Variants in SMARCC1 observed in about 807,000 individuals in gnomAD.
SMARCC1 encodes the protein SWI/SNF related BAF chromatin remodeling complex subunit C1.
SMARCC1 carries 43 observed loss-of-function variants against 147.4 expected under a neutral mutation model. The ratio of observed to expected loss-of-function variants is 0.29; its 90% CI spans 0.23 to 0.38. The LOEUF (loss-of-function observed/expected upper bound fraction) is 0.38. Ranked by LOEUF, SMARCC1 falls within the 10% of genes least tolerant of loss-of-function variation. The pLI is 1.00. For synonymous variants in SMARCC1, 495 were observed against 484.4 expected, an observed-to-expected ratio of 1.02 and a Z score of -0.29; for missense variants, 1,119 against 1,381.1, an observed-to-expected ratio of 0.81 and a Z score of 3.01.
intron 12 of SMARCC1, among the ~76,000 whole-genome samples, chr3:47,691,839 A>G (rs1017021043): frequency 6.6e-6 from 1 of 151,938 alleles, no homozygotes; most frequent in Non-Finnish European, 1.5e-5. Context: ...ATGTCTACTA[A>G]TAATACAAAA....
rs2032952874 is a variant in SMARCC1 at position 47,635,246 on chromosome 3, C to T, written c.2590G>A (p.Gly864Arg). ...KKKVEHEISE[G>R]NVATAAAAAL... ...GCTGCTGCGGCTGTGGCAACATTTC[C>T]TTCGGAAATTTCATGTTCTACTTTC... Residue 864 changes from glycine (G) to arginine (R), a missense_variant, in exon 24 of 28, where the codon GGA (glycine) becomes AGA (arginine). Physicochemically the swap from Gly to Arg is moderately radical, Grantham distance 125 (BLOSUM62 -2). This residue lies in a region of SMARCC1 where 157 missense variants were observed against 158.6 expected (regional missense o/e 0.99). Transcript: ENST00000254480. The T allele has an allele frequency of 1.2e-6, 2 of 1,613,890 alleles. No homozygotes were observed. The highest frequency in any genetic ancestry group is 1.1e-5 in the South Asian group (1 of 91,074).
At chr3:47,666,760 T>C (rs1482438401) in intron 19 of SMARCC1, among the ~76,000 whole-genome samples, 2 of 152,028 alleles carry the variant, frequency 1.3e-5, no homozygotes, top group Middle Eastern at 3.2e-3. Context: ...TCAGCTATTG[T>C]TAGTGTTAGT....
intron 18 of SMARCC1, 129 bp from the exon 19 acceptor site, chr3:47,670,846 A>T (rs2033486126): frequency 1.5e-6 from 1 of 682,900 alleles, no homozygotes; most frequent in African/African-American, 1.8e-5. Flanking sequence ...ACTAACAGGA[A>T]TAAAACACTT....
Position 47,701,298 on chromosome 3 carries a change from T to A in SMARCC1, c.1145A>T (p.Glu382Val). Residue 382 changes from glutamate (E) to valine (V), a missense_variant, in exon 11 of 28, where the codon GAA becomes GTA. Glu to Val is a moderately radical substitution (Grantham distance 121, BLOSUM62 -2). This residue lies in a region of SMARCC1 where 542 missense variants were observed against 611.8 expected (regional missense o/e 0.89). Transcript: ENST00000254480. The stretch of plus-strand genomic sequence containing the variant: ...CAAACCATTTTTGGGAAGTACTACT[T>A]CTTCTATATTGGGTACAGGTGTTGG... ...EDPTPVPNIE[E>V]VVLPKNVNLK... 8.7e-6 allele frequency: 14 copies of A among 1,613,034 alleles called. No individual in the cohort carries two copies. The highest frequency in any genetic ancestry group is 1.2e-5 in the Non-Finnish European group (14 of 1,179,160).
chr3:47,668,846 C>A (rs1489442824), intron 19 of SMARCC1, among the ~76,000 whole-genome samples: 1 of 149,826 alleles, frequency 6.7e-6, no homozygotes, highest in African/African-American at 2.5e-5. Context: ...GACTGCGCTA[C>A]TGCACACTAG....
At chr3:47,655,337 T>C (rs1350178762) in intron 21 of SMARCC1, among the ~76,000 whole-genome samples, 1 of 152,096 alleles carries the variant, frequency 6.6e-6, no homozygotes, top group Admixed American at 6.5e-5. Flanking sequence ...AGGCAGAGGT[T>C]GTGATGGGCT....
chr3:47,729,234 G>T, intron 5 of SMARCC1, 140 bp from the exon 6 acceptor site: 1 of 597,844 alleles, frequency 1.7e-6, no homozygotes, highest in Non-Finnish European at 2.9e-6. Flanking sequence ...CTTCTTTTTA[G>T]TCAAATAAAA....
intron 12 of SMARCC1, among the ~76,000 whole-genome samples, 170 bp from the exon 13 acceptor site, chr3:47,689,594 AG>A (rs1222928385): frequency 6.6e-6 from 1 of 152,248 alleles, no homozygotes; most frequent in Non-Finnish European, 1.5e-5. Flanking sequence ...TCTACACAGA[AG>A]CACAGAGGTA....
At position 47,701,295 on chromosome 3, in the gene SMARCC1, ACTT is replaced by A; in HGVS notation, c.1145_1147del (p.Glu382del). The A allele has an allele frequency of 6.2e-7, 1 of 1,612,772 alleles. No homozygotes were observed. Among genetic ancestry groups the A allele is most frequent in the Non-Finnish European group, 8.5e-7 (1 of 1,178,954 alleles). ...ATACAAACCATTTTTGGGAAGTACT[ACTT>A]CTTCTATATTGGGTACAGGTGTTGG... On this transcript the variant is annotated inframe_deletion, in exon 11 of 28. Coordinates refer to ENST00000254480, the MANE Select transcript of SMARCC1 (RefSeq NM_003074.4).
chr3:47,720,278 C>T (rs1379765822), intron 7 of SMARCC1, among the ~76,000 whole-genome samples: 1 of 151,878 alleles, frequency 6.6e-6, no homozygotes, highest in African/African-American at 2.4e-5. Context: ...CACCTGCCAC[C>T]ACGTCTGGCT....
In SMARCC1 at chr3:47,701,260, A is replaced by G. The variant is rs1434275124; in HGVS notation, c.1165+18T>C. 41 of 1,608,522 alleles carry G rather than the reference A, an allele frequency of 2.5e-5. No homozygotes were observed. The highest frequency in any genetic ancestry group is 3.4e-5 in the Non-Finnish European group (40 of 1,175,860). ...TGACTAAATTAAATCTAACACTCTC[A>G]TGCAGAAGAATACAAACCATTTTTG... On this transcript the variant is annotated intron_variant, in intron 11 of 27. Transcript: ENST00000254480.
intron 26 of SMARCC1, among the ~76,000 whole-genome samples, chr3:47,597,577 C>T (rs904389877): frequency 1.1e-4 from 16 of 152,254 alleles, no homozygotes; most frequent in South Asian, 2.1e-4. Context: ...CCGCCTGCCT[C>T]GGCCTCCCAA....
At chr3:47,682,790 C>T (rs1335211502) in intron 14 of SMARCC1, among the ~76,000 whole-genome samples, 1 of 152,070 alleles carries the variant, frequency 6.6e-6, no homozygotes, top group Non-Finnish European at 1.5e-5. Flanking sequence ...TTGGTGTCAG[C>T]TGACAAAAAG....
At chr3:47,642,616 C>A (rs535557803) in intron 21 of SMARCC1, among the ~76,000 whole-genome samples, 16 of 151,726 alleles carry the variant, frequency 1.1e-4, no homozygotes, top group African/African-American at 3.4e-4. Context: ...ACAACAACAA[C>A]AAAAACCTAA....
rs540565608 is a variant in SMARCC1, at chr3:47,720,854, A to C, written c.647-119T>G. On this transcript the variant is annotated intron_variant, in intron 6 of 27. Coordinates refer to ENST00000254480, the MANE Select transcript of SMARCC1 (RefSeq NM_003074.4). ...TGCTAACGAACAACATTTTTCGAAC[A>C]TGCTGTTGCTGGTTTGGAAAGAAAA... 671 of 796,202 alleles carry C rather than the reference A, an allele frequency of 8.4e-4. 3 individuals are homozygous for C. Among genetic ancestry groups the C allele is most frequent in the Admixed American group, 1.0e-3 (46 of 44,084 alleles). The allele number at this position is 796,202 out of a possible 1,614,324, so 49.3% of individuals were successfully genotyped here.
intron 24 of SMARCC1, 118 bp from the exon 25 acceptor site, chr3:47,622,459 T>TATAGATTTGTA: frequency 1.1e-6 from 1 of 926,510 alleles, no homozygotes; most frequent in South Asian, 1.5e-5. Context: ...CCTATATGTC[T>TATAGATTTGTA]CCTTTGTAAC....
intron 5 of SMARCC1, among the ~76,000 whole-genome samples, chr3:47,733,039 G>A (rs1271629296): frequency 1.3e-5 from 2 of 151,056 alleles, no homozygotes; most frequent in Non-Finnish European, 3.0e-5. Flanking sequence ...CCCGGGAGGT[G>A]GAGGATGCAG....
chr3:47,736,869 C>G (rs2034450347), intron 4 of SMARCC1, among the ~76,000 whole-genome samples: 1 of 152,078 alleles, frequency 6.6e-6, no homozygotes, highest in Non-Finnish European at 1.5e-5. Context: ...TAATATCTAA[C>G]TGAATTTTTG....
At chr3:47,765,473 A>G (rs138771524) in intron 2 of SMARCC1, among the ~76,000 whole-genome samples, 1,904 of 151,938 alleles carry the variant, frequency 0.013, 149 homozygotes, top group Admixed American at 0.12. Flanking sequence ...TTAAAAAAAA[A>G]AAGAAAGAAA....
Sources: allele counts gnomAD v4.1 joint callset (sites outside exome capture counted in the v4.1 genomes callset), GRCh38; gene constraint gnomAD v4.1.1; regional missense constraint gnomAD v4.1.1; transcripts MANE v1.5; gene names NCBI Gene and HGNC (gene_info 2026-07-23, HGNC 2026-07-21).